Variants in ADAM12 observed in about 807,000 individuals in gnomAD.
The protein encoded by ADAM12 is ADAM metallopeptidase domain 12, also known as disintegrin and metalloproteinase domain-containing protein 12.
In ADAM12, 70 loss-of-function variants were observed where a neutral mutation model predicts 106.4. The ratio of observed to expected loss-of-function variants is 0.66; its 90% CI spans 0.54 to 0.80. The LOEUF (loss-of-function observed/expected upper bound fraction) is 0.80, where lower values mean the gene tolerates loss of function less well. Ranked by LOEUF, ADAM12 falls within the 30% of genes least tolerant of loss-of-function variation. ADAM12 has a pLI of 0.00. For synonymous variants in ADAM12, 420 were observed against 433.5 expected (o/e 0.97, Z 0.39); for missense variants, 1,010 against 1,171.9 (o/e 0.86, Z 2.02).
intron 3 of ADAM12, among the ~76,000 whole-genome samples, chr10:126,159,336 C>T (rs1323457370): frequency 7.9e-6 from 1 of 126,182 alleles, no homozygotes; most frequent in Admixed American, 8.0e-5. Flanking sequence ...AAAAAAGGAG[C>T]ACACTTGACC....
intron 21 of ADAM12, among the ~76,000 whole-genome samples, chr10:126,023,593 C>G (rs1189038844): frequency 6.6e-6 from 1 of 151,922 alleles, no homozygotes; most frequent in Non-Finnish European, 1.5e-5. Context: ...TTGGGCTCTA[C>G]AGACAAGACC....
intron 1 of ADAM12, among the ~76,000 whole-genome samples, chr10:126,371,554 A>G (rs561718926): frequency 6.6e-6 from 1 of 152,350 alleles, no homozygotes; most frequent in East Asian, 1.9e-4. Context: ...TTAGAGTGGA[A>G]CATTTCTGTC....
At chr10:126,255,879 C>A (rs529785889) in intron 3 of ADAM12, among the ~76,000 whole-genome samples, 1 of 152,288 alleles carries the variant, frequency 6.6e-6, no homozygotes, top group African/African-American at 2.4e-5. Context: ...TCGCCTCTAC[C>A]GGAGCCAGAT....
intron 3 of ADAM12, among the ~76,000 whole-genome samples, chr10:126,204,876 C>G (rs750726996): frequency 6.6e-6 from 1 of 152,294 alleles, no homozygotes; most frequent in East Asian, 1.9e-4. Flanking sequence ...CCCAACTCTG[C>G]GCTATTCTAA....
At chr10:126,216,523 T>C (rs1957990784) in intron 3 of ADAM12, among the ~76,000 whole-genome samples, 1 of 152,226 alleles carries the variant, frequency 6.6e-6, no homozygotes, top group African/African-American at 2.4e-5. Flanking sequence ...GTGATAGATC[T>C]GTTGTTTCAG....
At chr10:126,059,443 A>C (rs753886420) in intron 14 of ADAM12, among the ~76,000 whole-genome samples, 1 of 152,328 alleles carries the variant, frequency 6.6e-6, no homozygotes, top group Middle Eastern at 3.4e-3. Context: ...CAAATGAACA[A>C]ATTTGATCAT....
In ADAM12 at chr10:126,049,689, G is replaced by T. The variant is rs1460839945; in HGVS notation, c.1610-20C>A. The T allele has an allele frequency of 1.2e-6, 2 of 1,601,102 alleles. No individual in the cohort carries two copies. Among genetic ancestry groups the T allele is most frequent in the Non-Finnish European group, 1.7e-6 (2 of 1,172,730 alleles). ...TAGCACCTGAAACAGAAGCAGAACTGCATTTTCATCTCCTGCAGGTGATTT... is the reference window on the plus strand; with the variant it reads ...TAGCACCTGAAACAGAAGCAGAACTTCATTTTCATCTCCTGCAGGTGATTT... On this transcript the variant is annotated intron_variant, in intron 14 of 22. Transcript: ENST00000448723. The surrounding 1 kb of genome is among the most constrained non-coding windows in gnomAD (Gnocchi z 4.4).
rs1954230369 is a variant in ADAM12, at chr10:126,043,403, G to C, written c.1996-255C>G. 6.6e-6 allele frequency among the ~76,000 whole-genome samples: 1 copy of C among 152,176 alleles called. No individual in the cohort carries two copies. The highest frequency in any genetic ancestry group is 1.5e-5 in the Non-Finnish European group (1 of 68,036). Reference sequence around the variant, plus strand: ...TGATGAAGATTATTTGGGTTCATCAGCTTGCCTCCCCCACCCACCTCACTT... The same window carrying C: ...TGATGAAGATTATTTGGGTTCATCACCTTGCCTCCCCCACCCACCTCACTT... On this transcript the variant is annotated intron_variant, in intron 17 of 22. Coordinates refer to ENST00000448723, the MANE Select transcript of ADAM12 (RefSeq NM_001288973.2). The surrounding 1 kb of genome is among the most constrained non-coding windows in gnomAD (Gnocchi z 4.1).
At chr10:126,299,985 G>A (rs927795005) in intron 2 of ADAM12, among the ~76,000 whole-genome samples, 2 of 152,268 alleles carry the variant, frequency 1.3e-5, no homozygotes, top group African/African-American at 4.8e-5. Context: ...ATCACCGTCA[G>A]TCTCTTCACC....
At chr10:126,047,291 A>G (rs1403207448) in intron 16 of ADAM12, among the ~76,000 whole-genome samples, 1 of 152,206 alleles carries the variant, frequency 6.6e-6, no homozygotes, top group Non-Finnish European at 1.5e-5. Flanking sequence ...TATAAGGGCA[A>G]GAGGCATAGC....
Position 126,118,030 on chromosome 10 carries a change from C to G in ADAM12, c.603+8G>C. ...TTCCAGAAACACAAAATCAGGTATC[C>G]CCCTTACCCTTCTTGCCCATGTCTG... On this transcript the variant is annotated splice_region_variant and intron_variant, in intron 6 of 22. Coordinates refer to ENST00000448723, the MANE Select transcript of ADAM12 (RefSeq NM_001288973.2). 1 of 1,612,986 alleles carries G rather than the reference C, an allele frequency of 6.2e-7. No homozygotes were observed. The highest frequency in any genetic ancestry group is 8.5e-7 in the Non-Finnish European group (1 of 1,179,276).
intron 14 of ADAM12, among the ~76,000 whole-genome samples, chr10:126,054,570 A>G (rs1954587075): frequency 6.6e-6 from 1 of 152,168 alleles, no homozygotes; most frequent in Non-Finnish European, 1.5e-5. Flanking sequence ...GCCTTTTTAG[A>G]TTGCCCCCTC....
intron 3 of ADAM12, among the ~76,000 whole-genome samples, chr10:126,211,754 C>A (rs906284814): frequency 3.2e-4 from 49 of 152,162 alleles, no homozygotes; most frequent in African/African-American, 1.1e-3. Context: ...ATCTCTGCCT[C>A]CTGAACCATG....
At position 126,146,895 on chromosome 10, in the gene ADAM12, C is replaced by T. The variant is rs146465840; in HGVS notation, c.339+8332G>A. On this transcript the variant is annotated intron_variant, in intron 4 of 22. Coordinates refer to ENST00000448723, the MANE Select transcript of ADAM12 (RefSeq NM_001288973.2). ...GATGTGCGTGATCTCTGACTTTCCCCTTCCTTCCAGAATTATCTTTTCATC... is the reference window on the plus strand; with the variant it reads ...GATGTGCGTGATCTCTGACTTTCCCTTTCCTTCCAGAATTATCTTTTCATC... Among the ~76,000 whole-genome samples, 9 of 152,338 alleles carry T rather than the reference C, an allele frequency of 5.9e-5. No individual in the cohort carries two copies. In the East Asian group the frequency reaches 9.6e-4, roughly 16 times the overall value.
chr10:126,076,781 A>C (rs1955110347), intron 11 of ADAM12, among the ~76,000 whole-genome samples: 1 of 152,202 alleles, frequency 6.6e-6, no homozygotes, highest in Non-Finnish European at 1.5e-5. Context: ...ATAGTTTGTG[A>C]ATATTTTCTC....
chr10:126,068,127 C>T (rs1954910410), intron 12 of ADAM12, among the ~76,000 whole-genome samples: 1 of 152,154 alleles, frequency 6.6e-6, no homozygotes, highest in African/African-American at 2.4e-5. Flanking sequence ...GAAGTCATAG[C>T]TGTAACTTTT....
chr10:126,293,963 C>G (rs1045824355), intron 2 of ADAM12, among the ~76,000 whole-genome samples: 4 of 152,184 alleles, frequency 2.6e-5, no homozygotes, highest in Non-Finnish European at 4.4e-5. Flanking sequence ...TGTTTACTCA[C>G]AAACACTGTC....
At chr10:126,208,913 T>G (rs1014025129) in intron 3 of ADAM12, among the ~76,000 whole-genome samples, 4 of 151,760 alleles carry the variant, frequency 2.6e-5, no homozygotes, top group Admixed American at 1.3e-4. Context: ...CCCTAGCCTA[T>G]ACAAATTGAG....
chr10:126,381,284 G>C (rs1256992818), intron 1 of ADAM12, among the ~76,000 whole-genome samples: 2 of 152,088 alleles, frequency 1.3e-5, no homozygotes, highest in Non-Finnish European at 2.9e-5. Context: ...GTACATGGCG[G>C]AGTCACAGGT....
Sources: gnomAD v4.1 joint callset for allele counts (sites outside exome capture counted in the v4.1 genomes callset) on GRCh38, gnomAD v4.1.1 for gene constraint, Gnocchi (gnomAD v3.1) non-coding constraint, MANE v1.5 for transcripts, NCBI Gene and HGNC (gene_info 2026-07-23, HGNC 2026-07-21) for gene names.